Variants in RBBP7 observed in about 807,000 individuals in gnomAD.
The protein encoded by RBBP7 is RB binding protein 7, chromatin remodeling factor, also known as histone-binding protein RBBP7.
Under a neutral mutation model 35.2 loss-of-function variants are expected in RBBP7, and 5 were observed. That is an observed-to-expected ratio of 0.14 (90% CI 0.07 to 0.30). The LOEUF (loss-of-function observed/expected upper bound fraction) is 0.30, where lower values mean the gene tolerates loss of function less well. Among genes scored for constraint, RBBP7 ranks in the 10% least tolerant of loss-of-function variants. RBBP7 has a pLI of 1.00. For missense variants in RBBP7, 155 were observed against 327.5 expected, an observed-to-expected ratio of 0.47 and a Z score of 4.07; for synonymous variants, 140 against 118.7, an observed-to-expected ratio of 1.18 and a Z score of -1.17.
chrX:16,869,970 G>A (rs1201428913), intron 1 of RBBP7, 68 bp downstream of exon 1: 1 of 749,498 alleles, frequency 1.3e-6, no homozygotes, highest in African/African-American at 2.4e-5. Context: ...TCGCCGGCGC[G>A]TGCCGCGGCC....
In RBBP7 at chrX:16,869,395, C is replaced by T. The variant is rs1930710080; in HGVS notation, c.17-175G>A. ...GAGAAAATACTAACAATCAGGAAGCCTATTTTTTCCATTGAGATCAATACC... is the reference window on the plus strand; with the variant it reads ...GAGAAAATACTAACAATCAGGAAGCTTATTTTTTCCATTGAGATCAATACC... On this transcript the variant is annotated intron_variant, in intron 1 of 11. Coordinates refer to ENST00000380087, the MANE Select transcript of RBBP7 (RefSeq NM_002893.4). The T allele has an allele frequency of 3.8e-6, 4 of 1,065,274 alleles. No individual in the cohort carries two copies. In the East Asian group the frequency reaches 1.3e-4, roughly 35 times the overall value. 87.8% of individuals were successfully genotyped at this position (1,065,274 alleles called of 1,213,427 possible).
chrX:16,857,495 T>G (rs774743511), intron 5 of RBBP7, 99 bp downstream of exon 5: 1 of 1,133,846 alleles, frequency 8.8e-7, no homozygotes, highest in Non-Finnish European at 1.2e-6. Context: ...TCAGCAGTAT[T>G]ATCTTAGAAA....
chrX:16,846,018 C>G, intron 10 of RBBP7, 80 bp from the exon 11 acceptor site: 1 of 1,134,588 alleles, frequency 8.8e-7, no homozygotes, highest in Non-Finnish European at 1.2e-6. Context: ...GTTTTTAGAG[C>G]TATCAGTATT....
Position 16,844,987 on chromosome X carries a change from C to T in RBBP7, c.*48G>A. 9.0e-7 allele frequency: 1 copy of T among 1,108,033 alleles called. No homozygotes were observed. Among genetic ancestry groups the T allele is most frequent in the Non-Finnish European group, 1.2e-6 (1 of 804,157 alleles). 91.3% of individuals were successfully genotyped at this position (1,108,033 alleles called of 1,213,427 possible). On this transcript the variant is annotated 3_prime_UTR_variant, in exon 12 of 12. Coordinates refer to ENST00000380087, the MANE Select transcript of RBBP7 (RefSeq NM_002893.4). ...CCTTTTTGGCGCTTGATAAATCAAG[C>T]ATTCATGTAGCATTACATTCAACAG...
Position 16,870,056 on chromosome X carries a change from T to G in RBBP7, c.-3A>C, listed in dbSNP as rs1375084667. The stretch of plus-strand genomic sequence containing the variant: ...CTCTTACTCTCTTTACTCGCCATCT[T>G]GCGTCGGGTCGTTCGCCCCTCGCCG... On this transcript the variant is annotated 5_prime_UTR_variant, in exon 1 of 12. Transcript: ENST00000380087. 26 of 1,079,359 alleles carry G rather than the reference T, an allele frequency of 2.4e-5. No homozygotes were observed. Among genetic ancestry groups the G allele is most frequent in the Non-Finnish European group, 3.0e-5 (25 of 820,635 alleles). 89.0% of individuals were successfully genotyped at this position (1,079,359 alleles called of 1,213,427 possible). A position where few individuals can be genotyped will look rare whatever the true frequency, so the allele number is the denominator to read the frequency against.
Position 16,870,099 on chromosome X carries a change from C to T in RBBP7, c.-46G>A, listed in dbSNP as rs770030117. The T allele has an allele frequency of 1.9e-6, 2 of 1,070,101 alleles. No homozygotes were observed. The highest frequency in any genetic ancestry group is 1.9e-5 in the African/African-American group (1 of 51,968). 88.2% of individuals were successfully genotyped at this position (1,070,101 alleles called of 1,213,427 possible). Reference sequence around the variant, plus strand: ...CCTCGCCGCCGCCTCGGACTCCTCTCGTTAGCCAAGAGCAGCCCGACCGCT... The same window carrying T: ...CCTCGCCGCCGCCTCGGACTCCTCTTGTTAGCCAAGAGCAGCCCGACCGCT... On this transcript the variant is annotated 5_prime_UTR_variant, in exon 1 of 12. Coordinates refer to ENST00000380087, the MANE Select transcript of RBBP7 (RefSeq NM_002893.4).
chrX:16,863,417 C>A (rs1930523297), intron 2 of RBBP7, among the ~76,000 whole-genome samples: 1 of 111,305 alleles, frequency 9.0e-6, no homozygotes, highest in African/African-American at 3.3e-5. Flanking sequence ...TCAGTAAACA[C>A]AGACAAACAT....
At chrX:16,852,015 T>C (rs1164177978) in intron 9 of RBBP7, 31 bp downstream of exon 9, 4 of 1,144,811 alleles carry the variant, frequency 3.5e-6, no homozygotes, top group East Asian at 3.0e-5. Context: ...GGCACATTTA[T>C]GCAGTATCTT....
At chrX:16,852,955 C>A in intron 6 of RBBP7, 80 bp from the exon 7 acceptor site, 1 of 1,188,370 alleles carries the variant, frequency 8.4e-7, no homozygotes, top group Non-Finnish European at 1.1e-6. Flanking sequence ...CACTGCACTC[C>A]ACAACTAGCT....
chrX:16,867,244 A>G (rs948829358), intron 2 of RBBP7, among the ~76,000 whole-genome samples: 4 of 111,841 alleles, frequency 3.6e-5, no homozygotes, highest in African/African-American at 1.3e-4. Flanking sequence ...AGCCCAGACA[A>G]CACGGCCCCA....
chrX:16,854,264 G>A (rs1930290835), intron 5 of RBBP7, among the ~76,000 whole-genome samples: 1 of 111,353 alleles, frequency 9.0e-6, no homozygotes, highest in Non-Finnish European at 1.9e-5. Context: ...TAAGTTTGAG[G>A]TAAACACAAG....
intron 10 of RBBP7, chrX:16,846,172 C>G (rs1247355021): frequency 8.7e-6 from 3 of 344,604 alleles, no homozygotes; most frequent in Non-Finnish European, 1.4e-5. Context: ...TACCTAGATT[C>G]ACCAAGTGAT....
intron 5 of RBBP7, among the ~76,000 whole-genome samples, chrX:16,855,475 A>G (rs1465401627): frequency 8.9e-6 from 1 of 112,065 alleles, no homozygotes; most frequent in East Asian, 2.8e-4. Flanking sequence ...GAAGACACTC[A>G]ATGTGTGTGA....
intron 8 of RBBP7, 53 bp downstream of exon 8, chrX:16,852,498 G>A (rs1298763455): frequency 8.7e-7 from 1 of 1,154,585 alleles, no homozygotes; most frequent in Admixed American, 2.2e-5. Flanking sequence ...CTTAACTGAT[G>A]AATCCCTGGA....
At chrX:16,851,080 C>A (rs755337898) in intron 9 of RBBP7, among the ~76,000 whole-genome samples, 2 of 105,798 alleles carry the variant, frequency 1.9e-5, no homozygotes, top group African/African-American at 6.9e-5. Flanking sequence ...GCCAAGATTG[C>A]GCCACTGCAC....
Position 16,858,736 on chromosome X carries a change from T to A in RBBP7, c.421A>T (p.Thr141Ser). Residue 141 changes from threonine to serine, a missense_variant, in exon 4 of 12, where the codon ACA becomes TCA. Physicochemically the swap from Thr to Ser is moderately conservative, Grantham distance 58. This residue lies in a region of RBBP7 where 79 missense variants were observed against 220.8 expected (regional missense o/e 0.36). Coordinates refer to ENST00000380087, the MANE Select transcript of RBBP7 (RefSeq NM_002893.4). ...AACACATCAGAAGATGGTGTTTTTG[T>A]AGCAATGATGTGAGGATTCTGCGGC... ...YMPQNPHIIATKTPSSDVLVF... is the reference protein window; with the variant it reads ...YMPQNPHIIASKTPSSDVLVF... 1 of 1,211,785 alleles carries A rather than the reference T, an allele frequency of 8.3e-7. No homozygotes were observed. Among genetic ancestry groups the A allele is most frequent in the African/African-American group, 1.7e-5 (1 of 57,765 alleles).
chrX:16,861,950 CTTCTT>C (rs1930486639), intron 3 of RBBP7, among the ~76,000 whole-genome samples: 1 of 111,896 alleles, frequency 8.9e-6, no homozygotes, highest in South Asian at 3.8e-4. Flanking sequence ...TGACACGTAC[CTTCTT>C]TTATTACTGG....
chrX:16,870,171 G>A lies in RBBP7; in HGVS notation c.-118C>T. ...CGCGTCACACTCCCCACTGTCGAAAGCCCGGGCCCCGTCTTGCTGCCTGGG... is the reference window on the plus strand; with the variant it reads ...CGCGTCACACTCCCCACTGTCGAAAACCCGGGCCCCGTCTTGCTGCCTGGG... On this transcript the variant is annotated 5_prime_UTR_variant, in exon 1 of 12. Transcript: ENST00000380087. 2.2e-6 allele frequency: 2 copies of A among 903,178 alleles called. No individual in the cohort carries two copies. Among genetic ancestry groups the A allele is most frequent in the Admixed American group, 4.5e-5 (1 of 22,122 alleles). 74.4% of individuals were successfully genotyped at this position (903,178 alleles called of 1,213,427 possible). A position where few individuals can be genotyped will look rare whatever the true frequency, so the allele number is the denominator to read the frequency against.
intron 2 of RBBP7, among the ~76,000 whole-genome samples, chrX:16,868,819 G>A (rs1454583475): frequency 1.8e-5 from 2 of 111,977 alleles, no homozygotes; most frequent in African/African-American, 3.3e-5. Context: ...CTACATTCAA[G>A]CCCAGGAAAT....
Sources: gnomAD v4.1 joint callset for allele counts (sites outside exome capture counted in the v4.1 genomes callset) on GRCh38, gnomAD v4.1.1 for gene constraint, gnomAD v4.1.1 regional missense constraint, MANE v1.5 for transcripts, NCBI Gene and HGNC (gene_info 2026-07-23, HGNC 2026-07-21) for gene names.